Variants in SCARB1 observed in about 807,000 individuals in gnomAD.
SCARB1 encodes the protein scavenger receptor class B member 1.
A neutral mutation model predicts 57.2 loss-of-function variants in SCARB1; 30 were observed. The observed-to-expected ratio is 0.52, with a 90% confidence interval of 0.39 to 0.71. SCARB1 has a LOEUF of 0.71. Among genes scored for constraint, SCARB1 ranks in the 30% least tolerant of loss-of-function variants. The pLI is 0.00. For missense variants in SCARB1, 543 were observed against 671.2 expected, an observed-to-expected ratio of 0.81 and a Z score of 2.11; for synonymous variants, 249 against 268.3, an observed-to-expected ratio of 0.93 and a Z score of 0.70.
At chr12:124,803,173 G>A (rs937126662) in intron 7 of SCARB1, among the ~76,000 whole-genome samples, 9 of 152,232 alleles carry the variant, frequency 5.9e-5, no homozygotes, top group Non-Finnish European at 2.9e-5. Flanking sequence ...GCTGAGCTCC[G>A]GGGCTGGATG....
intron 1 of SCARB1, among the ~76,000 whole-genome samples, chr12:124,826,344 A>C (rs1951162788): frequency 6.6e-6 from 1 of 151,848 alleles, no homozygotes; most frequent in South Asian, 2.1e-4. Flanking sequence ...AAAAAAAAAA[A>C]AAAAAGAGGT....
chr12:124,794,790 C>T (rs928177445), intron 9 of SCARB1, among the ~76,000 whole-genome samples: 3 of 152,044 alleles, frequency 2.0e-5, no homozygotes, highest in Admixed American at 2.0e-4. Flanking sequence ...ATTAGCCGGG[C>T]GTGGTGGCAC....
chr12:124,821,782 C>T (rs1000718103), intron 1 of SCARB1, among the ~76,000 whole-genome samples: 1 of 152,216 alleles, frequency 6.6e-6, no homozygotes, highest in Non-Finnish European at 1.5e-5. Flanking sequence ...TTAAGTGACC[C>T]TTCCTCCTCT....
chr12:124,825,974 T>C (rs545340743), intron 1 of SCARB1, among the ~76,000 whole-genome samples: 1 of 152,090 alleles, frequency 6.6e-6, no homozygotes, highest in African/African-American at 2.4e-5. Flanking sequence ...GGAGGTTGCA[T>C]GCACAACACG....
At chr12:124,856,082 G>C (rs1353232159) in intron 1 of SCARB1, among the ~76,000 whole-genome samples, 1 of 152,244 alleles carries the variant, frequency 6.6e-6, no homozygotes, top group Non-Finnish European at 1.5e-5. Context: ...GGCCATTCCG[G>C]GAAGGGACAG....
chr12:124,841,818 C>T (rs970087956), intron 1 of SCARB1, among the ~76,000 whole-genome samples: 1 of 152,202 alleles, frequency 6.6e-6, no homozygotes, highest in African/African-American at 2.4e-5. Context: ...GCTCACCTGC[C>T]TCGTCCCCTT....
At chr12:124,816,673 G>C (rs1353959080) in intron 2 of SCARB1, among the ~76,000 whole-genome samples, 1 of 152,120 alleles carries the variant, frequency 6.6e-6, no homozygotes, top group Non-Finnish European at 1.5e-5. Context: ...TGGGAAGTGG[G>C]GGTGTGGAGG....
chr12:124,814,851 C>T lies in SCARB1; in HGVS notation c.426+122G>A. 1 of 1,281,124 alleles carries T rather than the reference C, an allele frequency of 7.8e-7. No individual in the cohort carries two copies. The allele number at this position is 1,281,124 out of a possible 1,614,324, so 79.4% of individuals were successfully genotyped here. On this transcript the variant is annotated intron_variant, in intron 3 of 12. Transcript: ENST00000261693. The surrounding 1 kb of genome is among the most constrained non-coding windows in gnomAD (Gnocchi z 4.7). ...CAGCACAGGGCCGAAAGCCACCCAC[C>T]AGGCGTGAGTCCCCACGCTCCGACC... is the stretch of plus-strand genomic sequence containing the variant.
At chr12:124,843,693 G>T (rs1952010504) in intron 1 of SCARB1, among the ~76,000 whole-genome samples, 1 of 152,184 alleles carries the variant, frequency 6.6e-6, no homozygotes, top group East Asian at 1.9e-4. Context: ...GATCATCCTG[G>T]ATTTATGAAG....
intron 1 of SCARB1, among the ~76,000 whole-genome samples, chr12:124,818,210 G>A (rs900589078): frequency 2.6e-5 from 4 of 152,200 alleles, no homozygotes; most frequent in African/African-American, 7.2e-5. Context: ...TTACCATAGC[G>A]GAGGAAAGGC....
chr12:124,798,480 G>A (rs1436370842), intron 8 of SCARB1, among the ~76,000 whole-genome samples: 1 of 152,122 alleles, frequency 6.6e-6, no homozygotes, highest in Non-Finnish European at 1.5e-5. Flanking sequence ...GGGACACTAT[G>A]CGAAGTAAAA....
intron 9 of SCARB1, among the ~76,000 whole-genome samples, chr12:124,793,623 G>C (rs996788763): frequency 2.6e-5 from 4 of 150,976 alleles, no homozygotes; most frequent in African/African-American, 9.8e-5. Context: ...AACCCAGGAG[G>C]CGGAGCTTGC....
At chr12:124,855,205 GC>G (rs1347738251) in intron 1 of SCARB1, among the ~76,000 whole-genome samples, 1 of 152,200 alleles carries the variant, frequency 6.6e-6, no homozygotes, top group African/African-American at 2.4e-5. Flanking sequence ...ACAAGGTCAG[GC>G]CCCTCCCGTT....
At chr12:124,798,569 G>A (rs773551623) in intron 8 of SCARB1, among the ~76,000 whole-genome samples, 27 of 152,198 alleles carry the variant, frequency 1.8e-4, no homozygotes, top group Non-Finnish European at 3.1e-4. Flanking sequence ...CAGGCCAGGC[G>A]TAGTGGCTCA....
rs189385459 is a variant in SCARB1 at position 124,822,837 on chromosome 12, G to A, written c.127-5130C>T. On this transcript the variant is annotated intron_variant, in intron 1 of 12. Coordinates refer to ENST00000261693, the MANE Select transcript of SCARB1 (RefSeq NM_005505.5). The surrounding 1 kb of genome is among the most constrained non-coding windows in gnomAD (Gnocchi z 5.0). ...CAGGAGTTCAAGGCTGCAGTGAGCCGTGATCATGTGCCTGCACTCCAGTCT... is the reference window on the plus strand; with the variant it reads ...CAGGAGTTCAAGGCTGCAGTGAGCCATGATCATGTGCCTGCACTCCAGTCT... Among the ~76,000 whole-genome samples the A allele has an allele frequency of 1.3e-5, 2 of 152,186 alleles. No individual in the cohort carries two copies. Among genetic ancestry groups the A allele is most frequent in the Admixed American group, 6.5e-5 (1 of 15,288 alleles).
chr12:124,825,478 C>T (rs531016316), intron 1 of SCARB1, among the ~76,000 whole-genome samples: 3 of 152,190 alleles, frequency 2.0e-5, no homozygotes, highest in South Asian at 2.1e-4. Context: ...CCAGACCAGC[C>T]GGGCCAACAT....
intron 1 of SCARB1, among the ~76,000 whole-genome samples, chr12:124,853,352 T>C (rs1245544278): frequency 6.6e-6 from 1 of 152,048 alleles, no homozygotes; most frequent in Non-Finnish European, 1.5e-5. Context: ...AGGAAGATTT[T>C]ATTCAGCTTC....
At position 124,817,034 on chromosome 12, in the gene SCARB1, GTGTGTGTGTGTGTGTA is replaced by G. The variant is rs1184736405; in HGVS notation, c.284+500_284+515del. Reference sequence around the variant, plus strand: ...CCTGGTCATGCATGTGTGTGTGTGTGTGTGTGTGTGTGTGTATGTGTGTATGCATGTGTAGGTACAT... The same window carrying G: ...CCTGGTCATGCATGTGTGTGTGTGTGTGTGTGTATGCATGTGTAGGTACAT... On this transcript the variant is annotated intron_variant, in intron 2 of 12. Transcript: ENST00000261693. This position sits in a 1 kb window ranked among gnomAD's most constrained non-coding sequence, Gnocchi z 4.8. Among the ~76,000 whole-genome samples, 6 of 141,810 alleles carry G rather than the reference GTGTGTGTGTGTGTGTA, an allele frequency of 4.2e-5. No homozygotes were observed. The highest frequency in any genetic ancestry group is 1.6e-4 in the African/African-American group (5 of 32,112). The allele number at this position is 141,810 out of a possible 152,430, so 93.0% of individuals were successfully genotyped here. A position where few individuals can be genotyped will look rare whatever the true frequency, so the allele number is the denominator to read the frequency against.
At chr12:124,778,948 G>A (rs1872837272) in intron 12 of SCARB1, among the ~76,000 whole-genome samples, 1 of 152,104 alleles carries the variant, frequency 6.6e-6, no homozygotes, top group African/African-American at 2.4e-5. Flanking sequence ...ATGTTTATGT[G>A]TTGATTTATT....
Sources: allele counts gnomAD v4.1 joint callset (sites outside exome capture counted in the v4.1 genomes callset), GRCh38; gene constraint gnomAD v4.1.1; non-coding constraint Gnocchi (gnomAD v3.1); transcripts MANE v1.5; gene names NCBI Gene and HGNC (gene_info 2026-07-23, HGNC 2026-07-21).